The following SCAF4 variants were observed in gnomAD, a reference collection of about 807,000 sequenced individuals.
SCAF4 encodes SR-related and CTD-associated factor 4.
A neutral mutation model predicts 129.8 loss-of-function variants in SCAF4; 25 were observed. The ratio of observed to expected loss-of-function variants is 0.19; its 90% CI spans 0.14 to 0.27. The LOEUF (loss-of-function observed/expected upper bound fraction) is 0.27. Among genes scored for constraint, SCAF4 ranks in the 10% least tolerant of loss-of-function variants. The pLI, the probability that SCAF4 is intolerant of heterozygous loss-of-function variation, is 1.00. For synonymous variants in SCAF4, 551 were observed against 497.7 expected, an observed-to-expected ratio of 1.11 and a Z score of -1.43; for missense variants, 1,246 against 1,457.1, an observed-to-expected ratio of 0.86 and a Z score of 2.36.
chr21:31,702,221 C>T, intron 5 of SCAF4, 23 bp downstream of exon 5: 1 of 1,613,522 alleles, frequency 6.2e-7, no homozygotes, highest in Non-Finnish European at 8.5e-7. Context: ...ATTGTGTGAG[C>T]TCACAGATAC....
At chr21:31,684,640 C>T (rs2050071036) in intron 19 of SCAF4, 1 of 177,682 alleles carries the variant, frequency 5.6e-6, no homozygotes, top group African/African-American at 2.4e-5. Context: ...ATAATTGGTC[C>T]AGACAGAGAA....
intron 19 of SCAF4, among the ~76,000 whole-genome samples, chr21:31,674,786 T>C (rs79060596): frequency 0.041 from 6,214 of 152,274 alleles, 186 homozygotes; most frequent in Non-Finnish European, 0.064. Context: ...TCTAAAGTTA[T>C]AAATTTTTAA....
intron 19 of SCAF4, among the ~76,000 whole-genome samples, chr21:31,674,739 AT>A (rs1219658837): frequency 6.6e-6 from 1 of 152,228 alleles, no homozygotes; most frequent in Non-Finnish European, 1.5e-5. Flanking sequence ...TGTTCATTTC[AT>A]TTGGAAATAT....
intron 1 of SCAF4, among the ~76,000 whole-genome samples, chr21:31,723,629 T>TGTGTGCGC (rs1271033175): frequency 1.7e-4 from 25 of 149,074 alleles, no homozygotes; most frequent in African/African-American, 5.7e-4. Context: ...TGTGTGTGTG[T>TGTGTGCGC]GCGCGCGCGC....
chr21:31,727,644 T>G (rs745888495), intron 1 of SCAF4, among the ~76,000 whole-genome samples: 10 of 151,952 alleles, frequency 6.6e-5, no homozygotes, highest in African/African-American at 2.4e-4. Context: ...ATACAAAAAT[T>G]AGCTGGGAGT....
intron 19 of SCAF4, among the ~76,000 whole-genome samples, chr21:31,678,976 G>C (rs907015155): frequency 2.0e-5 from 3 of 152,108 alleles, no homozygotes; most frequent in Admixed American, 6.5e-5. Flanking sequence ...TTATTGATTA[G>C]ATATTTATTG....
intron 18 of SCAF4, 66 bp downstream of exon 18, chr21:31,685,332 C>A: frequency 6.6e-7 from 1 of 1,513,434 alleles, no homozygotes; most frequent in Non-Finnish European, 9.1e-7. Flanking sequence ...CCTATTACCG[C>A]TTCACTCTCC....
Position 31,671,873 on chromosome 21 carries a change from C to T in SCAF4, c.2970G>A (p.Gln990=). 2.5e-6 allele frequency: 4 copies of T among 1,614,210 alleles called. No individual in the cohort carries two copies. Among genetic ancestry groups the T allele is most frequent in the Non-Finnish European group, 2.5e-6 (3 of 1,180,042 alleles). The change falls in exon 20 of 20, where the codon CAG becomes CAA. Residue 990 remains glutamine, a synonymous_variant. Coordinates refer to ENST00000286835, the MANE Select transcript of SCAF4 (RefSeq NM_020706.2). ...PQQFRNDNRQ[Q]FNSGRDQERF... is the part of the protein sequence containing the mutation. ...TTTCTTGGTCTCTACCTGAATTGAA[C>T]TGCTGCCTGTTATCATTTCTAAACT...
chr21:31,728,929 G>A (rs2051276307), intron 1 of SCAF4, among the ~76,000 whole-genome samples: 1 of 152,100 alleles, frequency 6.6e-6, no homozygotes, highest in Non-Finnish European at 1.5e-5. Flanking sequence ...CAGCCCTTAG[G>A]ATGTGGGGAC....
At chr21:31,698,557 A>G (rs1337950733) in intron 7 of SCAF4, among the ~76,000 whole-genome samples, 1 of 152,226 alleles carries the variant, frequency 6.6e-6, no homozygotes, top group African/African-American at 2.4e-5. Context: ...ACAGTCAAAC[A>G]CTAATCTAGG....
chr21:31,718,515 C>T (rs964480375), intron 1 of SCAF4, among the ~76,000 whole-genome samples: 5 of 151,536 alleles, frequency 3.3e-5, no homozygotes, highest in South Asian at 2.1e-4. Context: ...AGGATGGTTT[C>T]GAACTCCTGG....
chr21:31,674,615 G>T (rs910966500), intron 19 of SCAF4, among the ~76,000 whole-genome samples: 1 of 152,118 alleles, frequency 6.6e-6, no homozygotes, highest in Non-Finnish European at 1.5e-5. Flanking sequence ...CACATTAGGT[G>T]GCAGAAGACT....
intron 1 of SCAF4, among the ~76,000 whole-genome samples, chr21:31,721,690 T>C (rs970761799): frequency 1.3e-5 from 2 of 152,148 alleles, no homozygotes; most frequent in Non-Finnish European, 2.9e-5. Context: ...AAGACTTTGA[T>C]TTTGTTCTTT....
intron 16 of SCAF4, among the ~76,000 whole-genome samples, chr21:31,686,801 C>G (rs1045648528): frequency 1.1e-4 from 16 of 152,182 alleles, no homozygotes; most frequent in African/African-American, 3.6e-4. Flanking sequence ...CTAGCTTGTG[C>G]AGTTCTTATG....
intron 1 of SCAF4, among the ~76,000 whole-genome samples, chr21:31,711,294 T>A (rs546135317): frequency 6.6e-6 from 1 of 152,356 alleles, no homozygotes; most frequent in Admixed American, 6.5e-5. Flanking sequence ...TTTATTGACT[T>A]ATTTAATGCA....
chr21:31,672,714 A>C (rs2049741790), intron 19 of SCAF4, among the ~76,000 whole-genome samples: 2 of 152,212 alleles, frequency 1.3e-5, no homozygotes, highest in Non-Finnish European at 2.9e-5. Flanking sequence ...TGAGATAAAT[A>C]CATTCACTAT....
At chr21:31,715,265 G>A (rs1010089053) in intron 1 of SCAF4, among the ~76,000 whole-genome samples, 1 of 151,838 alleles carries the variant, frequency 6.6e-6, no homozygotes, top group Admixed American at 6.6e-5. Context: ...TATCTCTTCT[G>A]TTGTTTTATT....
chr21:31,719,380 TA>T (rs2051016519), intron 1 of SCAF4, among the ~76,000 whole-genome samples: 1 of 152,230 alleles, frequency 6.6e-6, no homozygotes, highest in African/African-American at 2.4e-5. Context: ...TTTCACTCTT[TA>T]ATTGTACCAT....
chr21:31,688,462 A>G lies in SCAF4; in HGVS notation c.1888T>C (p.Trp630Arg). 1 of 1,613,262 alleles carries G rather than the reference A, an allele frequency of 6.2e-7. No homozygotes were observed. The highest frequency in any genetic ancestry group is 8.5e-7 in the Non-Finnish European group (1 of 1,179,398). The change falls in exon 16 of 20, where the codon TGG (tryptophan) becomes CGG (arginine). Residue 630 changes from tryptophan to arginine, a missense_variant and splice_region_variant. Around this residue, in one of 6 missense-constraint regions of SCAF4, gnomAD observed 468 missense variants for 605.5 expected, o/e 0.77. Coordinates refer to ENST00000286835, the MANE Select transcript of SCAF4 (RefSeq NM_020706.2). ...MLDSDTLNPD[W>R]KGIPKKPENE... ...TCAGGCTTCTTAGGAATTCCTTTCC[A>G]ATCTGTGAGCGTGAAAGAAATTTAA...
Sources: allele counts gnomAD v4.1 joint callset (sites outside exome capture counted in the v4.1 genomes callset), GRCh38; gene constraint gnomAD v4.1.1; regional missense constraint gnomAD v4.1.1; transcripts MANE v1.5; gene names NCBI Gene and HGNC (gene_info 2026-07-23, HGNC 2026-07-21).